The following SNTG2 variants were observed in gnomAD, a reference collection of about 807,000 sequenced individuals.
SNTG2 encodes syntrophin gamma 2, also known as gamma-2-syntrophin.
SNTG2 carries 74 observed loss-of-function variants against 70.9 expected under a neutral mutation model. The ratio of observed to expected loss-of-function variants is 1.04; its 90% CI spans 0.86 to 1.27. The LOEUF is 1.27. Among genes scored for constraint, SNTG2 ranks in the 50% most tolerant of loss-of-function variants. The probability of loss-of-function intolerance (pLI) is 0.00; values close to 1 mark genes in which losing one functional copy is unlikely to be tolerated. For synonymous variants in SNTG2, 278 were observed against 273.8 expected, an observed-to-expected ratio of 1.02 and a Z score of -0.15; for missense variants, 717 against 690.7, an observed-to-expected ratio of 1.04 and a Z score of -0.43.
intron 1 of SNTG2, among the ~76,000 whole-genome samples, chr2:997,879 C>G (rs756105492): frequency 6.6e-6 from 1 of 152,212 alleles, no homozygotes; most frequent in Non-Finnish European, 1.5e-5. Context: ...AGAGCTGGAA[C>G]TACACAACCC....
At chr2:1,212,036 A>G (rs1292960243) in intron 9 of SNTG2, among the ~76,000 whole-genome samples, 1 of 139,560 alleles carries the variant, frequency 7.2e-6, no homozygotes, top group Non-Finnish European at 1.5e-5. Flanking sequence ...TGAGCCTCAG[A>G]TTGTTTCTGT....
At chr2:1,029,420 G>T (rs1660687501) in intron 1 of SNTG2, among the ~76,000 whole-genome samples, 1 of 152,162 alleles carries the variant, frequency 6.6e-6, no homozygotes, top group South Asian at 2.1e-4. Context: ...TTGGTTTATT[G>T]CATTATTGAA....
chr2:988,649 C>T (rs987691483), intron 1 of SNTG2, among the ~76,000 whole-genome samples: 13 of 151,984 alleles, frequency 8.6e-5, no homozygotes, highest in African/African-American at 3.1e-4. Context: ...GCTATAGACA[C>T]GATTTCCATT....
chr2:986,412 C>T (rs184027825), intron 1 of SNTG2, among the ~76,000 whole-genome samples: 4 of 152,296 alleles, frequency 2.6e-5, no homozygotes, highest in Admixed American at 6.5e-5. Flanking sequence ...TGCCCCTTGA[C>T]GTGAGTTGAA....
chr2:1,314,260 A>C (rs188360589), intron 15 of SNTG2, among the ~76,000 whole-genome samples: 1 of 152,360 alleles, frequency 6.6e-6, no homozygotes, highest in East Asian at 1.9e-4. Context: ...AAACCTCAAT[A>C]GCCAAGACTG....
intron 13 of SNTG2, 71 bp from the exon 14 acceptor site, chr2:1,267,294 C>G: frequency 1.4e-6 from 2 of 1,426,596 alleles, no homozygotes; most frequent in Non-Finnish European, 1.9e-6. Flanking sequence ...GCCTTCTCCC[C>G]ACACCAGGGC....
intron 6 of SNTG2, among the ~76,000 whole-genome samples, chr2:1,156,708 G>A (rs1669920886): frequency 6.6e-6 from 1 of 152,168 alleles, no homozygotes; most frequent in South Asian, 2.1e-4. Context: ...GTTTGAGGAG[G>A]AGGCAGTGAG....
At chr2:1,364,483 G>A (rs558412739) in intron 16 of SNTG2, among the ~76,000 whole-genome samples, 6 of 151,970 alleles carry the variant, frequency 3.9e-5, no homozygotes, top group African/African-American at 7.2e-5. Flanking sequence ...CTGGCCGGGC[G>A]CGGTGGCTCA....
intron 1 of SNTG2, among the ~76,000 whole-genome samples, chr2:997,109 A>T (rs2147983950): frequency 6.6e-6 from 1 of 152,256 alleles, no homozygotes; most frequent in Non-Finnish European, 1.5e-5. Flanking sequence ...GTGGAATGGG[A>T]AGAAGTCAAA....
At chr2:1,180,670 G>A (rs1161282347) in intron 8 of SNTG2, among the ~76,000 whole-genome samples, 1 of 147,966 alleles carries the variant, frequency 6.8e-6, no homozygotes, top group African/African-American at 2.5e-5. Flanking sequence ...CGATTCCTCA[G>A]GGATCTAGAA....
chr2:1,010,567 G>A (rs1659701097), intron 1 of SNTG2, among the ~76,000 whole-genome samples: 1 of 152,242 alleles, frequency 6.6e-6, no homozygotes, highest in South Asian at 2.1e-4. Flanking sequence ...GATGCCACAG[G>A]AAAAATTAAA....
intron 14 of SNTG2, among the ~76,000 whole-genome samples, chr2:1,301,297 G>A (rs140244198): frequency 2.0e-3 from 308 of 152,270 alleles, no homozygotes; most frequent in Middle Eastern, 6.8e-3. Context: ...CCCGCGCCCT[G>A]CTGAGGCTCA....
intron 11 of SNTG2, among the ~76,000 whole-genome samples, chr2:1,241,313 C>G (rs1001744802): frequency 2.0e-5 from 3 of 152,184 alleles, no homozygotes; most frequent in African/African-American, 7.2e-5. Context: ...TGATGCTAAA[C>G]AGTGATGTCC....
chr2:989,990 C>T (rs1311972083), intron 1 of SNTG2, among the ~76,000 whole-genome samples: 11 of 152,030 alleles, frequency 7.2e-5, no homozygotes, highest in Non-Finnish European at 1.3e-4. Flanking sequence ...CGGCTCCGCT[C>T]TGTGTCCTGC....
intron 14 of SNTG2, 150 bp from the exon 15 acceptor site, chr2:1,308,344 A>T (rs892575223): frequency 5.9e-6 from 4 of 674,724 alleles, no homozygotes; most frequent in Non-Finnish European, 1.0e-5. Flanking sequence ...GTCTCCCGGG[A>T]CCCTGCATCC....
chr2:1,213,272 G>C (rs1453732892), intron 9 of SNTG2, among the ~76,000 whole-genome samples: 1 of 152,154 alleles, frequency 6.6e-6, no homozygotes, highest in Non-Finnish European at 1.5e-5. Flanking sequence ...ATACAATACA[G>C]TACTTACTCA....
chr2:1,196,077 T>C (rs1209080811), intron 8 of SNTG2, among the ~76,000 whole-genome samples: 1 of 152,160 alleles, frequency 6.6e-6, no homozygotes, highest in African/African-American at 2.4e-5. Context: ...CTCCAGTGAG[T>C]AACTGCTTTA....
chr2:1,228,562 G>C (rs981638895), intron 9 of SNTG2, among the ~76,000 whole-genome samples: 8 of 152,170 alleles, frequency 5.3e-5, no homozygotes, highest in African/African-American at 1.9e-4. Context: ...GCTGTGTCCC[G>C]GGCCCTGAGC....
At chr2:1,298,165 C>T (rs34375690) in intron 14 of SNTG2, among the ~76,000 whole-genome samples, 2,356 of 152,160 alleles carry the variant, frequency 0.015, 28 homozygotes, top group East Asian at 0.049. Context: ...CAGAGTCTAC[C>T]TCTGTCACCT....
Sources: allele counts gnomAD v4.1 joint callset (sites outside exome capture counted in the v4.1 genomes callset), GRCh38; gene constraint gnomAD v4.1.1; transcripts MANE v1.5; gene names NCBI Gene and HGNC (gene_info 2026-07-23, HGNC 2026-07-21).